PRH1: variants seen among roughly 807,000 people sequenced by gnomAD.
The protein encoded by PRH1 is proline rich protein HaeIII subfamily 1.
Under a neutral mutation model 7.9 loss-of-function variants are expected in PRH1, and 7 were observed. That is an observed-to-expected ratio of 0.89 (90% CI 0.50 to 1.67). The LOEUF is 1.67. Ranked by LOEUF, PRH1 falls within the 40% of genes most tolerant of loss-of-function variation. The pLI is 0.00. For synonymous variants in PRH1, 45 were observed against 80.8 expected, an observed-to-expected ratio of 0.56 and a Z score of 2.38; for missense variants, 109 against 223.6, an observed-to-expected ratio of 0.49 and a Z score of 3.27.
At chr12:10,926,375 G>T (rs1440315941) in intron 2 of PRH1, among the ~76,000 whole-genome samples, 5 of 152,222 alleles carry the variant, frequency 3.3e-5, no homozygotes, top group Non-Finnish European at 5.9e-5. Flanking sequence ...AGAGCAAGGT[G>T]AAGTTGAAGA....
At chr12:10,927,238 C>T (rs1565476113) in intron 2 of PRH1, among the ~76,000 whole-genome samples, 2 of 152,186 alleles carry the variant, frequency 1.3e-5, no homozygotes, top group South Asian at 4.1e-4. Flanking sequence ...TTACCCACAT[C>T]ATCAGGCAAT....
At chr12:11,095,725 C>T (rs1184949869) in intron 1 of PRH1, among the ~76,000 whole-genome samples, 1 of 113,690 alleles carries the variant, frequency 8.8e-6, no homozygotes, top group African/African-American at 3.0e-5. Flanking sequence ...ATGGTTTGAG[C>T]CCAGGAGTTC....
intron 1 of PRH1, among the ~76,000 whole-genome samples, chr12:11,029,619 T>C (rs1328183311): frequency 2.6e-5 from 4 of 152,246 alleles, no homozygotes; most frequent in African/African-American, 9.6e-5. Context: ...GCGGAAGAAA[T>C]GACGTTTCTA....
At chr12:10,942,256 C>G (rs1048188564) in intron 2 of PRH1, among the ~76,000 whole-genome samples, 1 of 152,028 alleles carries the variant, frequency 6.6e-6, no homozygotes, top group Non-Finnish European at 1.5e-5. Flanking sequence ...GAAGAGGCAC[C>G]GGCAGTGGGT....
At chr12:10,926,445 G>A (rs991719647) in intron 2 of PRH1, among the ~76,000 whole-genome samples, 2 of 152,220 alleles carry the variant, frequency 1.3e-5, no homozygotes, top group Non-Finnish European at 2.9e-5. Flanking sequence ...ATTTAGTCAT[G>A]TGGGTGTGAA....
At chr12:11,154,760 G>A (rs932101554) in intron 1 of PRH1, among the ~76,000 whole-genome samples, 1 of 152,262 alleles carries the variant, frequency 6.6e-6, no homozygotes, top group South Asian at 2.1e-4. Context: ...CCTAGACAAG[G>A]AGTCTTTTAA....
intron 1 of PRH1, among the ~76,000 whole-genome samples, chr12:11,137,639 A>G (rs766043096): frequency 9.2e-5 from 14 of 152,226 alleles, no homozygotes; most frequent in Non-Finnish European, 1.9e-4. Flanking sequence ...AAGCTCATCC[A>G]TAAATAATTA....
At chr12:10,997,520 T>C in intron 1 of PRH1, 1 of 1,613,918 alleles carries the variant, frequency 6.2e-7, no homozygotes, top group Non-Finnish European at 8.5e-7. Flanking sequence ...TTTTAAGTGA[T>C]GAAAAATAAG....
intron 2 of PRH1, chr12:10,891,827 T>G (rs1215288547): frequency 1.3e-5 from 2 of 152,176 alleles, no homozygotes; most frequent in African/African-American, 4.8e-5. Context: ...AATCTCAAAA[T>G]TAGGAAACTC....
At chr12:10,889,301 A>G (rs1949538010) in intron 2 of PRH1, among the ~76,000 whole-genome samples, 1 of 152,186 alleles carries the variant, frequency 6.6e-6, no homozygotes, top group Non-Finnish European at 1.5e-5. Context: ...AACATCTGGT[A>G]GACCATTTCT....
intron 1 of PRH1, among the ~76,000 whole-genome samples, chr12:11,009,767 A>G (rs1421586811): frequency 6.6e-6 from 1 of 151,946 alleles, no homozygotes; most frequent in Admixed American, 6.6e-5. Context: ...CTCTCCTCAT[A>G]TGGAAATTCA....
chr12:10,939,557 T>G (rs983680152), intron 2 of PRH1, among the ~76,000 whole-genome samples: 33 of 150,584 alleles, frequency 2.2e-4, no homozygotes, highest in Non-Finnish European at 3.5e-4. Context: ...GTGTGTTTTT[T>G]TTTTTTTTTT....
intron 2 of PRH1, among the ~76,000 whole-genome samples, chr12:10,899,912 A>G (rs1949700563): frequency 6.6e-6 from 1 of 152,226 alleles, no homozygotes; most frequent in Admixed American, 6.5e-5. Flanking sequence ...TCTATTTTTA[A>G]AAATTGAATT....
chr12:11,143,277 G>A (rs1946760656), intron 1 of PRH1, among the ~76,000 whole-genome samples: 1 of 152,160 alleles, frequency 6.6e-6, no homozygotes, highest in South Asian at 2.1e-4. Flanking sequence ...ACAGTGCTAA[G>A]TTGCTATCAG....
intron 1 of PRH1, chr12:11,166,426 T>C (rs980064030): frequency 3.9e-5 from 6 of 152,238 alleles, no homozygotes; most frequent in African/African-American, 1.4e-4. Context: ...AATACAGACC[T>C]AGGAGTGCAG....
intron 1 of PRH1, chr12:11,077,732 C>T: frequency 8.2e-7 from 1 of 1,220,974 alleles, no homozygotes; most frequent in South Asian, 1.2e-5. Context: ...AGGTGTATTG[C>T]ATTCCTCAAT....
chr12:11,028,480 C>T (rs944356041), intron 1 of PRH1, among the ~76,000 whole-genome samples: 1 of 152,204 alleles, frequency 6.6e-6, no homozygotes, highest in African/African-American at 2.4e-5. Context: ...TCTCAATTTC[C>T]ACACGTCCTT....
At chr12:10,987,684 G>A (rs779624667) in intron 1 of PRH1, among the ~76,000 whole-genome samples, 1 of 150,550 alleles carries the variant, frequency 6.6e-6, no homozygotes, top group African/African-American at 2.5e-5. Flanking sequence ...GAAAACTGAG[G>A]GTTTTCAGAC....
chr12:11,103,689 A>AAAAT (rs777045796), intron 1 of PRH1, among the ~76,000 whole-genome samples: 304 of 152,168 alleles, frequency 2.0e-3, no homozygotes, highest in Admixed American at 3.9e-3. Context: ...AAGTAAAATA[A>AAAAT]AAATAAATAA....
Sources: allele counts gnomAD v4.1 joint callset (sites outside exome capture counted in the v4.1 genomes callset), GRCh38; gene constraint gnomAD v4.1.1; transcripts MANE v1.5; gene names NCBI Gene and HGNC (gene_info 2026-07-23, HGNC 2026-07-21).